The following CHFR variants were observed in gnomAD, a reference collection of about 807,000 sequenced individuals.
The protein encoded by CHFR is E3 ubiquitin-protein ligase CHFR.
CHFR carries 57 observed loss-of-function variants against 87.6 expected under a neutral mutation model. The observed-to-expected ratio is 0.65, with a 90% CI of 0.53 to 0.81. The LOEUF is 0.81. Ranked by LOEUF, CHFR falls within the 30% of genes least tolerant of loss-of-function variation. The pLI is 0.00. For missense variants in CHFR, 797 were observed against 865.8 expected, an observed-to-expected ratio of 0.92 and a Z score of 1.00; for synonymous variants, 381 against 359.2, an observed-to-expected ratio of 1.06 and a Z score of -0.69.
chr12:132,873,150 T>G (rs1951530130), intron 3 of CHFR, among the ~76,000 whole-genome samples: 1 of 152,126 alleles, frequency 6.6e-6, no homozygotes, highest in Non-Finnish European at 1.5e-5. Context: ...GCTCTGCAGC[T>G]TCACTCCCGA....
intron 2 of CHFR, among the ~76,000 whole-genome samples, chr12:132,886,927 T>G (rs899367961): frequency 1.3e-5 from 2 of 152,236 alleles, no homozygotes; most frequent in Non-Finnish European, 2.9e-5. Context: ...TCAGAAAAGA[T>G]ACTCTGTACG....
intron 2 of CHFR, among the ~76,000 whole-genome samples, chr12:132,881,951 T>C (rs1951779239): frequency 6.6e-6 from 1 of 151,256 alleles, no homozygotes; most frequent in African/African-American, 2.4e-5. Flanking sequence ...TACTGTGCTG[T>C]GGGACTGCAA....
rs1448024106 is a variant in CHFR, at chr12:132,845,805, G to A, written c.1735+1238C>T. On this transcript the variant is annotated intron_variant, in intron 15 of 17. Coordinates refer to ENST00000450056, the MANE Select transcript of CHFR (RefSeq NM_001161346.2). The stretch of plus-strand genomic sequence containing the variant: ...AGGGTCCCAGGACAACTGACCCCAG[G>A]ACCTCTGGATAGACAAGTGGTAGAG... Among the ~76,000 whole-genome samples, 4 of 152,156 alleles carry A rather than the reference G, an allele frequency of 2.6e-5. No homozygotes were observed. In the East Asian group the frequency reaches 7.7e-4, roughly 29 times the overall value.
chr12:132,851,972 A>G (rs1459944229), intron 11 of CHFR, among the ~76,000 whole-genome samples: 1 of 151,646 alleles, frequency 6.6e-6, no homozygotes, highest in Non-Finnish European at 1.5e-5. Flanking sequence ...AAGATTTCAA[A>G]GATCTGTTGC....
intron 3 of CHFR, among the ~76,000 whole-genome samples, chr12:132,876,617 A>G (rs1316368260): frequency 6.6e-6 from 1 of 152,216 alleles, no homozygotes; most frequent in African/African-American, 2.4e-5. Flanking sequence ...GGCTTGCAAG[A>G]ACCAAAAATT....
chr12:132,862,014 C>A (rs971829261), intron 6 of CHFR: 5 of 212,544 alleles, frequency 2.4e-5, no homozygotes, highest in South Asian at 1.4e-4. Flanking sequence ...GGCTCACACC[C>A]GTAATCCCAG....
intron 2 of CHFR, among the ~76,000 whole-genome samples, chr12:132,880,365 G>A (rs1951738660): frequency 6.6e-6 from 1 of 152,072 alleles, no homozygotes; most frequent in Non-Finnish European, 1.5e-5. Context: ...TTTGTCAAAA[G>A]TAAAATGTGG....
At chr12:132,879,640 C>T (rs944748360) in intron 2 of CHFR, among the ~76,000 whole-genome samples, 2 of 152,082 alleles carry the variant, frequency 1.3e-5, no homozygotes, top group African/African-American at 2.4e-5. Flanking sequence ...ATGCCCGCCT[C>T]GGCTTCTCAA....
At chr12:132,844,886 G>C (rs941618916) in intron 15 of CHFR, among the ~76,000 whole-genome samples, 1 of 151,874 alleles carries the variant, frequency 6.6e-6, no homozygotes, top group African/African-American at 2.4e-5. Flanking sequence ...GCCCGCCTCG[G>C]CTTCCCAAAA....
chr12:132,878,773 T>C (rs1046483114), intron 2 of CHFR, among the ~76,000 whole-genome samples: 47 of 138,212 alleles, frequency 3.4e-4, no homozygotes, highest in African/African-American at 1.2e-3. Context: ...TGAGCCGATA[T>C]GGCGCCACTG....
chr12:132,878,675 C>T (rs1338847112), intron 2 of CHFR, among the ~76,000 whole-genome samples: 8 of 151,212 alleles, frequency 5.3e-5, no homozygotes, highest in East Asian at 2.0e-4. Flanking sequence ...AAAAATTAGC[C>T]GGGCGTGGTG....
intron 2 of CHFR, 33 bp from the exon 3 acceptor site, chr12:132,877,687 T>C (rs1236498611): frequency 6.2e-6 from 9 of 1,452,742 alleles, no homozygotes; most frequent in Non-Finnish European, 8.7e-6. Context: ...ACACGGGATA[T>C]GATCGTGGTA....
chr12:132,874,614 C>T (rs1173780218), intron 3 of CHFR, among the ~76,000 whole-genome samples: 2 of 75,902 alleles, frequency 2.6e-5, no homozygotes, highest in African/African-American at 8.4e-5. Context: ...ACAGGCGGGA[C>T]TGCCCAGGAC....
intron 6 of CHFR, among the ~76,000 whole-genome samples, chr12:132,865,363 T>C (rs1566192231): frequency 6.6e-6 from 1 of 152,002 alleles, no homozygotes; most frequent in Non-Finnish European, 1.5e-5. Context: ...GCATGTTTTC[T>C]TTTCTTTTTT....
intron 2 of CHFR, among the ~76,000 whole-genome samples, chr12:132,880,509 T>C (rs1392118936): frequency 1.3e-5 from 2 of 151,116 alleles, no homozygotes; most frequent in Admixed American, 6.6e-5. Flanking sequence ...CTACAAAAAA[T>C]TAGCTGGGCG....
At chr12:132,872,125 C>T in intron 4 of CHFR, 160 bp downstream of exon 4, 1 of 592,288 alleles carries the variant, frequency 1.7e-6, no homozygotes, top group South Asian at 2.1e-5. Context: ...TCCCACTCAA[C>T]AGACACTATT....
At chr12:132,881,741 G>C (rs560870647) in intron 2 of CHFR, among the ~76,000 whole-genome samples, 42 of 152,066 alleles carry the variant, frequency 2.8e-4, no homozygotes, top group Admixed American at 4.6e-4. Context: ...GGTGGCACGT[G>C]CCTGTAGTCC....
In CHFR at chr12:132,887,338, C is replaced by A; in HGVS notation, c.-10G>T. On this transcript the variant is annotated splice_region_variant and 5_prime_UTR_variant, in exon 2 of 18. It removes an upstream start codon present in the reference 5' UTR. Coordinates refer to ENST00000450056, the MANE Select transcript of CHFR (RefSeq NM_001161346.2). ...CCTCGGGCCGCTCCATCGGGATTCA[C>A]ATCTGCGGAGACCCCGGAAACGCCC... The A allele has an allele frequency of 1.3e-5, 19 of 1,428,240 alleles. No homozygotes were observed. Among genetic ancestry groups the A allele is most frequent in the Non-Finnish European group, 1.7e-5 (19 of 1,093,596 alleles). 88.5% of individuals were successfully genotyped at this position (1,428,240 alleles called of 1,614,324 possible).
chr12:132,875,634 A>G (rs1185298167), intron 3 of CHFR, among the ~76,000 whole-genome samples: 2 of 152,232 alleles, frequency 1.3e-5, no homozygotes, highest in African/African-American at 4.8e-5. Flanking sequence ...AAAAAAGAGA[A>G]AAAAAGGAAT....
Sources: gnomAD v4.1 joint callset for allele counts (sites outside exome capture counted in the v4.1 genomes callset) on GRCh38, gnomAD v4.1.1 for gene constraint, MANE v1.5 for transcripts, NCBI Gene and HGNC (gene_info 2026-07-23, HGNC 2026-07-21) for gene names.